KCNT2: variants seen among roughly 807,000 people sequenced by gnomAD.
The protein encoded by KCNT2 is potassium channel subfamily T member 2.
A neutral mutation model predicts 153.8 loss-of-function variants in KCNT2; 67 were observed. The observed-to-expected ratio is 0.44, with a 90% confidence interval of 0.36 to 0.53. The LOEUF is 0.53. Ranked by LOEUF, KCNT2 falls within the 20% of genes least tolerant of loss-of-function variation. The probability of loss-of-function intolerance (pLI) is 0.00; values close to 1 mark genes in which losing one functional copy is unlikely to be tolerated. For missense variants in KCNT2, 975 were observed against 1,354.8 expected, an observed-to-expected ratio of 0.72 and a Z score of 4.40; for synonymous variants, 500 against 458.8, an observed-to-expected ratio of 1.09 and a Z score of -1.15.
chr1:196,315,117 T>C (rs1049103904), intron 21 of KCNT2, among the ~76,000 whole-genome samples: 1 of 151,720 alleles, frequency 6.6e-6, no homozygotes, highest in African/African-American at 2.4e-5. Flanking sequence ...GGAGTGAACA[T>C]GGATGATGAG....
intron 1 of KCNT2, among the ~76,000 whole-genome samples, chr1:196,512,584 T>A (rs1681719910): frequency 6.6e-6 from 1 of 152,112 alleles, no homozygotes; most frequent in South Asian, 2.1e-4. Flanking sequence ...TTGTTTAAAG[T>A]TCTTCAAGTA....
intron 26 of KCNT2, among the ~76,000 whole-genome samples, chr1:196,248,178 G>A (rs1380621068): frequency 1.3e-5 from 2 of 152,074 alleles, no homozygotes; most frequent in East Asian, 3.9e-4. Context: ...ATAGCTAAAA[G>A]TGCCTACATC....
intron 16 of KCNT2, among the ~76,000 whole-genome samples, chr1:196,339,871 G>A (rs1040824706): frequency 6.6e-6 from 1 of 152,032 alleles, no homozygotes; most frequent in Non-Finnish European, 1.5e-5. Context: ...GATGGAAAGA[G>A]AATTTTGAGA....
chr1:196,312,549 T>C (rs1662292709), intron 21 of KCNT2, among the ~76,000 whole-genome samples: 1 of 151,770 alleles, frequency 6.6e-6, no homozygotes, highest in East Asian at 1.9e-4. Flanking sequence ...ATAAACAATG[T>C]GATACGTGCA....
chr1:196,250,536 T>C (rs1655868144), intron 26 of KCNT2, among the ~76,000 whole-genome samples: 2 of 152,250 alleles, frequency 1.3e-5, no homozygotes, highest in South Asian at 2.1e-4. Context: ...AGAGAAAACA[T>C]TGGGAAAACT....
chr1:196,455,671 C>T (rs1005530714), intron 8 of KCNT2, among the ~76,000 whole-genome samples: 1 of 151,884 alleles, frequency 6.6e-6, no homozygotes. Context: ...TAATTAGAGA[C>T]CTATCTAGAT....
At position 196,386,185 on chromosome 1, in the gene KCNT2, C is replaced by T. The variant is rs376675333; in HGVS notation, c.1294+12378G>A. ...AACCACTTTGAAAACAGATATTCTA[C>T]GCAAGTCAAGCCTTCAAATACCTGT... On this transcript the variant is annotated intron_variant, in intron 13 of 27. Coordinates refer to ENST00000294725, the MANE Select transcript of KCNT2 (RefSeq NM_198503.5). 5.9e-5 allele frequency among the ~76,000 whole-genome samples: 9 copies of T among 152,232 alleles called. No individual in the cohort carries two copies. In the East Asian group the frequency reaches 9.6e-4, roughly 16 times the overall value.
intron 13 of KCNT2, among the ~76,000 whole-genome samples, chr1:196,381,352 T>G (rs892986272): frequency 6.6e-6 from 1 of 152,048 alleles, no homozygotes; most frequent in African/African-American, 2.4e-5. Context: ...CTTTAGGTTC[T>G]AACCAAGAGT....
chr1:196,318,277 G>A (rs572862517), intron 20 of KCNT2, among the ~76,000 whole-genome samples: 1 of 151,834 alleles, frequency 6.6e-6, no homozygotes, highest in South Asian at 2.1e-4. Flanking sequence ...TTCATTCAAA[G>A]AGGTATTTTT....
intron 27 of KCNT2, among the ~76,000 whole-genome samples, chr1:196,234,534 A>G (rs1654249148): frequency 6.6e-6 from 1 of 151,018 alleles, no homozygotes; most frequent in African/African-American, 2.4e-5. Flanking sequence ...CTGCTTTTTA[A>G]CTGTTTTCCC....
At chr1:196,277,831 C>T (rs533013613) in intron 25 of KCNT2, among the ~76,000 whole-genome samples, 6 of 151,952 alleles carry the variant, frequency 3.9e-5, no homozygotes, top group Admixed American at 1.3e-4. Flanking sequence ...TCTTATTCTG[C>T]GTTTTTATAT....
At chr1:196,519,485 A>T (rs1558034300) in intron 1 of KCNT2, among the ~76,000 whole-genome samples, 1 of 151,938 alleles carries the variant, frequency 6.6e-6, no homozygotes, top group African/African-American at 2.4e-5. Context: ...AAAAACAAAT[A>T]AAAAAATCAC....
chr1:196,584,566 A>G (rs888452993), intron 1 of KCNT2, among the ~76,000 whole-genome samples: 11 of 152,272 alleles, frequency 7.2e-5, no homozygotes, highest in Admixed American at 5.2e-4. Context: ...TGCCTGGACC[A>G]TTAAATCAAC....
Position 196,338,020 on chromosome 1 carries a change from A to G in KCNT2, c.1783+2321T>C, listed in dbSNP as rs568176555. 8.5e-5 allele frequency among the ~76,000 whole-genome samples: 13 copies of G among 152,214 alleles called. No homozygotes were observed. The South Asian group carries it at 2.5e-3, about 29-fold the overall frequency. On this transcript the variant is annotated intron_variant, in intron 16 of 27. Coordinates refer to ENST00000294725, the MANE Select transcript of KCNT2 (RefSeq NM_198503.5). Reference sequence around the variant, plus strand: ...ACTCAATAAATACTATTTTGGGTACATATTAGGCACACAATAAGTACTTTT... The same window carrying G: ...ACTCAATAAATACTATTTTGGGTACGTATTAGGCACACAATAAGTACTTTT...
chr1:196,295,528 A>T (rs1660598620), intron 22 of KCNT2, among the ~76,000 whole-genome samples: 1 of 151,898 alleles, frequency 6.6e-6, no homozygotes, highest in South Asian at 2.1e-4. Flanking sequence ...AATTCGAACC[A>T]CTCAAAATGT....
intron 26 of KCNT2, among the ~76,000 whole-genome samples, chr1:196,238,140 A>G (rs1285340550): frequency 1.3e-5 from 2 of 151,906 alleles, no homozygotes; most frequent in African/African-American, 4.8e-5. Context: ...AAAACAATTT[A>G]ACAGATAACT....
At chr1:196,575,780 C>G (rs1457951447) in intron 1 of KCNT2, among the ~76,000 whole-genome samples, 1 of 151,602 alleles carries the variant, frequency 6.6e-6, no homozygotes, top group Non-Finnish European at 1.5e-5. Context: ...GAATTCCAGA[C>G]CAGCCTGGCC....
At chr1:196,535,010 T>C (rs1655379598) in intron 1 of KCNT2, among the ~76,000 whole-genome samples, 1 of 152,232 alleles carries the variant, frequency 6.6e-6, no homozygotes, top group Non-Finnish European at 1.5e-5. Flanking sequence ...TATCAAGGTA[T>C]AATTCTGATT....
intron 8 of KCNT2, among the ~76,000 whole-genome samples, chr1:196,444,114 G>T (rs1194053370): frequency 6.6e-6 from 1 of 150,656 alleles, no homozygotes; most frequent in Admixed American, 6.7e-5. Context: ...GAGAGAGTAT[G>T]TGTGTGTGTG....
Sources: gnomAD v4.1 joint callset for allele counts (sites outside exome capture counted in the v4.1 genomes callset) on GRCh38, gnomAD v4.1.1 for gene constraint, MANE v1.5 for transcripts, NCBI Gene and HGNC (gene_info 2026-07-23, HGNC 2026-07-21) for gene names.